ZSCAN25: variants seen among roughly 807,000 people sequenced by gnomAD.
The protein encoded by ZSCAN25 is zinc finger and SCAN domain-containing protein 25.
A neutral mutation model predicts 38.7 loss-of-function variants in ZSCAN25; 27 were observed. That is an observed-to-expected ratio of 0.70 (90% CI 0.51 to 0.96). The LOEUF is 0.96. Among genes scored for constraint, ZSCAN25 ranks in the 40% least tolerant of loss-of-function variants. ZSCAN25 has a pLI of 0.00. For missense variants in ZSCAN25, 637 were observed against 705.9 expected (o/e 0.90, Z 1.11); for synonymous variants, 273 against 277.7 (o/e 0.98, Z 0.17).
the ZSCAN25 span, among the ~76,000 whole-genome samples, chr7:99,732,869 A>G: frequency 6.6e-6 from 1 of 152,010 alleles, no homozygotes; most frequent in Non-Finnish European, 1.5e-5. Flanking sequence ...AAGATGGAGT[A>G]TTCCACATAA....
chr7:99,640,946 C>T, the ZSCAN25 span, among the ~76,000 whole-genome samples: 12 of 152,268 alleles, frequency 7.9e-5, no homozygotes, highest in East Asian at 5.8e-4. Flanking sequence ...ATACACTAGC[C>T]GTAGCTCTGT....
chr7:99,664,022 A>C, the ZSCAN25 span: 5 of 1,600,620 alleles, frequency 3.1e-6, no homozygotes, highest in African/African-American at 5.4e-5. Context: ...ATTTACTTAA[A>C]AAATTTATGG....
At chr7:99,680,150 G>A in the ZSCAN25 span, 7 of 468,594 alleles carry the variant, frequency 1.5e-5, no homozygotes, top group Admixed American at 6.7e-5. Flanking sequence ...CAGTGTTATC[G>A]GGGAGTCCAA....
At chr7:99,697,518 G>A in the ZSCAN25 span, among the ~76,000 whole-genome samples, 1 of 152,180 alleles carries the variant, frequency 6.6e-6, no homozygotes, top group Non-Finnish European at 1.5e-5. Context: ...CTGAAAGACA[G>A]GCACCTTCTA....
chr7:99,696,811 G>T, the ZSCAN25 span, among the ~76,000 whole-genome samples: 36 of 152,248 alleles, frequency 2.4e-4, no homozygotes, highest in African/African-American at 8.7e-4. Context: ...GTATCTTAGG[G>T]GCAGTTTCTC....
rs879581917 is a variant in ZSCAN25 at position 99,632,214 on chromosome 7, C to G, written c.*2194C>G. 15 of 985,278 alleles carry G rather than the reference C, an allele frequency of 1.5e-5. No individual in the cohort carries two copies. Among genetic ancestry groups the G allele is most frequent in the Admixed American group, 6.1e-5 (1 of 16,268 alleles). The allele number at this position is 985,278 out of a possible 1,614,324, so 61.0% of individuals were successfully genotyped here. ...GCTTAGGACAGTGTCTCAGAAAAGC[C>G]TCTAAGTAGGGGGTTTTTCCCATGG... On this transcript the variant is annotated 3_prime_UTR_variant, in exon 8 of 8. Coordinates refer to ENST00000394152, the MANE Select transcript of ZSCAN25 (RefSeq NM_145115.3).
At chr7:99,667,728 A>G in the ZSCAN25 span, among the ~76,000 whole-genome samples, 1 of 152,222 alleles carries the variant, frequency 6.6e-6, no homozygotes, top group African/African-American at 2.4e-5. Context: ...GTTTTGTTTT[A>G]AAATGTGTAC....
At chr7:99,660,675 A>G in the ZSCAN25 span, 1 of 1,613,206 alleles carries the variant, frequency 6.2e-7, no homozygotes, top group Non-Finnish European at 8.5e-7. Context: ...AGGAGAGGAA[A>G]GACATTTTAG....
At chr7:99,713,362 A>G in the ZSCAN25 span, 7 of 1,530,436 alleles carry the variant, frequency 4.6e-6, no homozygotes, top group East Asian at 1.1e-4. Context: ...TCATTCTGCT[A>G]TGTGGCAGAA....
At chr7:99,637,655 C>G in the ZSCAN25 span, among the ~76,000 whole-genome samples, 3 of 152,132 alleles carry the variant, frequency 2.0e-5, no homozygotes, top group African/African-American at 7.2e-5. Context: ...TCATCATTTG[C>G]CACTGTGGGC....
rs187955340 is a variant in ZSCAN25 at position 99,624,037 on chromosome 7, G to C, written c.682-20G>C. 1.2e-6 allele frequency: 2 copies of C among 1,614,078 alleles called. No individual in the cohort carries two copies. Among genetic ancestry groups the C allele is most frequent in the Admixed American group, 3.3e-5 (2 of 60,028 alleles). ...GCCTAGGATTCTTTCTTTATTCATA[G>C]CAATCTCCTATTGTTGCAGGGGTTG... On this transcript the variant is annotated intron_variant, in intron 6 of 7. Transcript: ENST00000394152.
chr7:99,685,149 A>G, the ZSCAN25 span: 3,506 of 1,603,084 alleles, frequency 2.2e-3, 9 homozygotes, highest in Middle Eastern at 4.2e-3. Context: ...TTCAGGTTCC[A>G]CTTACGGTCC....
the ZSCAN25 span, chr7:99,648,223 A>G: frequency 1.3e-6 from 2 of 1,540,288 alleles, no homozygotes; most frequent in Middle Eastern, 1.7e-4. Context: ...CTTTATTTCA[A>G]GGTTTTATTG....
chr7:99,734,592 TCTC>T, the ZSCAN25 span, among the ~76,000 whole-genome samples: 3 of 152,014 alleles, frequency 2.0e-5, no homozygotes, highest in South Asian at 2.1e-4. Flanking sequence ...TTAAGCTACT[TCTC>T]CTTGAAAATC....
At chr7:99,660,685 G>T in the ZSCAN25 span, 1 of 1,612,182 alleles carries the variant, frequency 6.2e-7, no homozygotes, top group Non-Finnish European at 8.5e-7. Flanking sequence ...AGACATTTTA[G>T]GTAAATCAGG....
chr7:99,709,333 T>A, the ZSCAN25 span: 3 of 1,560,686 alleles, frequency 1.9e-6, no homozygotes, highest in African/African-American at 1.4e-5. Context: ...CATGTAGTAC[T>A]GTTGAACTGT....
At chr7:99,636,031 A>C (rs1189349031), downstream of ZSCAN25, among the ~76,000 whole-genome samples, 5 of 137,446 alleles carry the variant, frequency 3.6e-5, no homozygotes, top group African/African-American at 1.4e-4. Context: ...TGGGCAACAG[A>C]GCGAGACTCC....
chr7:99,679,781 C>T, the ZSCAN25 span: 7 of 1,595,710 alleles, frequency 4.4e-6, no homozygotes, highest in Non-Finnish European at 5.2e-6. Context: ...CGATTAGCAC[C>T]CCAAGTCCAA....
intron 5 of ZSCAN25, chr7:99,621,785 T>G (rs1450196608): frequency 5.0e-6 from 2 of 397,712 alleles, no homozygotes; most frequent in Non-Finnish European, 8.8e-6. Context: ...ATATCTGGGA[T>G]CATGCTTTCT....
Sources: gnomAD v4.1 joint callset for allele counts (sites outside exome capture counted in the v4.1 genomes callset) on GRCh38, gnomAD v4.1.1 for gene constraint, MANE v1.5 for transcripts, NCBI Gene and HGNC (gene_info 2026-07-23, HGNC 2026-07-21) for gene names.